Variants in FGF12 observed in about 807,000 individuals in gnomAD.
FGF12 encodes fibroblast growth factor 12.
Under a neutral mutation model 23.6 loss-of-function variants are expected in FGF12, and 14 were observed. That is an observed-to-expected ratio of 0.59 (90% CI 0.39 to 0.93). The LOEUF is 0.93. FGF12 is among the 40% of genes least tolerant of loss of function. The pLI is 0.00. For missense variants in FGF12, 175 were observed against 217.8 expected, an observed-to-expected ratio of 0.80 and a Z score of 1.24; for synonymous variants, 62 against 77.3, an observed-to-expected ratio of 0.80 and a Z score of 1.04.
At chr3:192,708,213 C>G (rs1335790810) in intron 2 of FGF12, among the ~76,000 whole-genome samples, 1 of 152,096 alleles carries the variant, frequency 6.6e-6, no homozygotes, top group Non-Finnish European at 1.5e-5. Flanking sequence ...CCCACCTCGG[C>G]CTCCCAAAGT....
intron 2 of FGF12, among the ~76,000 whole-genome samples, chr3:192,525,799 G>A (rs369032052): frequency 2.6e-5 from 4 of 151,742 alleles, no homozygotes; most frequent in African/African-American, 4.8e-5. Flanking sequence ...TTTTTGAGTC[G>A]GAGTCTCACT....
intron 4 of FGF12, among the ~76,000 whole-genome samples, chr3:192,239,674 G>A (rs1719495626): frequency 6.6e-6 from 1 of 152,242 alleles, no homozygotes; most frequent in African/African-American, 2.4e-5. Context: ...CTGTGCATAT[G>A]AGGGATCTAG....
At chr3:192,189,696 G>C (rs2108645563) in intron 4 of FGF12, among the ~76,000 whole-genome samples, 1 of 152,262 alleles carries the variant, frequency 6.6e-6, no homozygotes, top group African/African-American at 2.4e-5. Flanking sequence ...TAGCTATCTG[G>C]AAGCCACAGA....
At chr3:192,714,141 T>C (rs79293141) in intron 2 of FGF12, among the ~76,000 whole-genome samples, 6 of 151,508 alleles carry the variant, frequency 4.0e-5, no homozygotes, top group African/African-American at 1.4e-4. Context: ...AACAACTCTA[T>C]AAATAGCTAC....
At chr3:192,345,046 CTT>C (rs1560078719) in intron 3 of FGF12, among the ~76,000 whole-genome samples, 1 of 152,114 alleles carries the variant, frequency 6.6e-6, no homozygotes. Context: ...TGTTTTGAAG[CTT>C]TTAGATTTGC....
intron 2 of FGF12, among the ~76,000 whole-genome samples, chr3:192,476,988 T>C (rs766245786): frequency 1.8e-4 from 28 of 152,116 alleles, no homozygotes; most frequent in Non-Finnish European, 2.6e-4. Context: ...AATATTTACT[T>C]ACAAAAGAAG....
chr3:192,681,667 T>G (rs995159183), intron 2 of FGF12, among the ~76,000 whole-genome samples: 1 of 152,328 alleles, frequency 6.6e-6, no homozygotes, highest in South Asian at 2.1e-4. Flanking sequence ...AGTTTTCTAT[T>G]TTTTCCTTTC....
At chr3:192,533,213 C>T (rs1390404780) in intron 2 of FGF12, among the ~76,000 whole-genome samples, 1 of 152,156 alleles carries the variant, frequency 6.6e-6, no homozygotes. Flanking sequence ...TGTTCAAGAA[C>T]TGGCACAATC....
intron 4 of FGF12, among the ~76,000 whole-genome samples, chr3:192,281,813 T>G (rs1036589517): frequency 1.3e-5 from 2 of 152,182 alleles, no homozygotes; most frequent in Non-Finnish European, 2.9e-5. Context: ...ATAGCCCTTA[T>G]GCAATCCTAG....
In FGF12 at chr3:192,471,654, T is replaced by A. The variant is rs9882851; in HGVS notation, c.14-111116A>T. On this transcript the variant is annotated intron_variant, in intron 2 of 5. Coordinates refer to ENST00000445105, the MANE Select transcript of FGF12 (RefSeq NM_004113.6). ...CTGTGTTATTATTGTTGATTTCAAA[T>A]CTACTATTTAAATCCAGGAATTGAT... Among the ~76,000 whole-genome samples, 1,337 of 152,336 alleles carry A rather than the reference T, an allele frequency of 8.8e-3. 17 individuals carry two copies. Among genetic ancestry groups the A allele is most frequent in the African/African-American group, 0.029 (1,226 of 41,586 alleles).
intron 2 of FGF12, among the ~76,000 whole-genome samples, chr3:192,583,309 G>A (rs141376238): frequency 2.6e-5 from 4 of 152,224 alleles, no homozygotes; most frequent in East Asian, 3.9e-4. Flanking sequence ...TGAGCGATGC[G>A]AATCGTTTAA....
chr3:192,662,610 G>C (rs1346098011), intron 2 of FGF12, among the ~76,000 whole-genome samples: 1 of 152,104 alleles, frequency 6.6e-6, no homozygotes, highest in Non-Finnish European at 1.5e-5. Flanking sequence ...CCCAAACTCT[G>C]TCTCCAGTTT....
chr3:192,628,695 G>GTATATATACATTTATA (rs1715273467), intron 2 of FGF12, among the ~76,000 whole-genome samples: 1 of 148,958 alleles, frequency 6.7e-6, no homozygotes, highest in Non-Finnish European at 1.5e-5. Flanking sequence ...ATACATTTAT[G>GTATATATACATTTATA]TATATATACA....
At chr3:192,159,720 G>C (rs376855701) in intron 5 of FGF12, among the ~76,000 whole-genome samples, 2 of 152,130 alleles carry the variant, frequency 1.3e-5, no homozygotes. Context: ...TGAATCTTTC[G>C]TAATGTCTGA....
intron 2 of FGF12, among the ~76,000 whole-genome samples, chr3:192,525,928 C>A (rs1424533690): frequency 1.3e-5 from 2 of 152,186 alleles, no homozygotes; most frequent in Non-Finnish European, 2.9e-5. Flanking sequence ...GTGTGCGCCA[C>A]CACGCCCAGC....
intron 2 of FGF12, among the ~76,000 whole-genome samples, chr3:192,579,315 TAAAAC>T (rs1713038116): frequency 6.6e-6 from 1 of 152,120 alleles, no homozygotes; most frequent in South Asian, 2.1e-4. Flanking sequence ...AAGCAATTCT[TAAAAC>T]ACACACACAC....
At chr3:192,609,491 C>A (rs181744408) in intron 2 of FGF12, among the ~76,000 whole-genome samples, 2 of 152,044 alleles carry the variant, frequency 1.3e-5, no homozygotes, top group African/African-American at 4.8e-5. Flanking sequence ...GTGTGTTGAA[C>A]GCTGGCTTGA....
intron 2 of FGF12, among the ~76,000 whole-genome samples, chr3:192,479,325 T>C (rs77768428): frequency 1.3e-5 from 2 of 152,162 alleles, no homozygotes; most frequent in Non-Finnish European, 2.9e-5. Context: ...GATGGGTCCC[T>C]GAGCAGATGC....
rs145634968 is a variant in FGF12, at chr3:192,456,916, A to G, written c.14-96378T>C. Among the ~76,000 whole-genome samples the G allele has an allele frequency of 8.3e-3, 1,271 of 152,244 alleles. 15 individuals carry two copies. Among genetic ancestry groups the G allele is most frequent in the African/African-American group, 0.029 (1,216 of 41,550 alleles). On this transcript the variant is annotated intron_variant, in intron 2 of 5. Coordinates refer to ENST00000445105, the MANE Select transcript of FGF12 (RefSeq NM_004113.6). ...TTGGCTGTGTCCCTACCCAAATCTC[A>G]TCTTGAATTATACTCCCATAATTCC...
Sources: gnomAD v4.1 joint callset for allele counts (sites outside exome capture counted in the v4.1 genomes callset) on GRCh38, gnomAD v4.1.1 for gene constraint, MANE v1.5 for transcripts, NCBI Gene and HGNC (gene_info 2026-07-23, HGNC 2026-07-21) for gene names.